NXPH1: variants seen among roughly 807,000 people sequenced by gnomAD.
The protein encoded by NXPH1 is neurexophilin-1.
In NXPH1, 5 loss-of-function variants were observed where a neutral mutation model predicts 23.7. The ratio of observed to expected loss-of-function variants is 0.21; its 90% CI spans 0.11 to 0.44. The LOEUF is 0.44. Ranked by LOEUF, NXPH1 falls within the 20% of genes least tolerant of loss-of-function variation. The pLI, the probability that NXPH1 is intolerant of heterozygous loss-of-function variation, is 0.99. For synonymous variants in NXPH1, 144 were observed against 122.2 expected (o/e 1.18, Z -1.18); for missense variants, 324 against 321.6 (o/e 1.01, Z -0.06).
chr7:8,489,852 G>A (rs1817219979), intron 2 of NXPH1, among the ~76,000 whole-genome samples: 1 of 152,086 alleles, frequency 6.6e-6, no homozygotes, highest in Non-Finnish European at 1.5e-5. Context: ...TGTATCAGGA[G>A]AATTTCTCTG....
intron 2 of NXPH1, among the ~76,000 whole-genome samples, chr7:8,638,369 C>T (rs974238170): frequency 6.6e-6 from 1 of 152,178 alleles, no homozygotes; most frequent in African/African-American, 2.4e-5. Flanking sequence ...CCAACAACCA[C>T]TGGGGAGAAT....
At chr7:8,467,997 C>G (rs905951295) in intron 2 of NXPH1, among the ~76,000 whole-genome samples, 13 of 152,122 alleles carry the variant, frequency 8.5e-5, no homozygotes, top group African/African-American at 3.1e-4. Flanking sequence ...GTTTATTGAG[C>G]ATTTAGTTGT....
rs1281405575 is a variant in NXPH1, at chr7:8,730,683, G to A, written c.55-20325G>A. Among the ~76,000 whole-genome samples the A allele has an allele frequency of 3.3e-5, 5 of 152,218 alleles. No homozygotes were observed. In the South Asian group the frequency reaches 8.3e-4, roughly 25 times the overall value. On this transcript the variant is annotated intron_variant, in intron 2 of 2. Transcript: ENST00000405863. ...GAATATTGGCCCCCACTCTCTTCTG[G>A]CTTGCGGAGTTTCTGCCGAGAGATC...
intron 2 of NXPH1, among the ~76,000 whole-genome samples, chr7:8,489,226 T>TCAGTGTTCTATA (rs1817209082): frequency 6.6e-6 from 1 of 152,082 alleles, no homozygotes; most frequent in African/African-American, 2.4e-5. Flanking sequence ...TCTTCCTTCT[T>TCAGTGTTCTATA]CAGTGTTCTA....
intron 2 of NXPH1, among the ~76,000 whole-genome samples, chr7:8,450,283 G>A (rs1193373355): frequency 6.6e-6 from 1 of 152,080 alleles, no homozygotes; most frequent in East Asian, 1.9e-4. Flanking sequence ...GTCCTGCCAT[G>A]CTGACAGCTT....
chr7:8,675,274 T>C (rs1820934111), intron 2 of NXPH1, among the ~76,000 whole-genome samples: 1 of 151,942 alleles, frequency 6.6e-6, no homozygotes, highest in South Asian at 2.1e-4. Context: ...CATAAATTTC[T>C]GTAATGTAAC....
chr7:8,541,737 A>C (rs1189809900), intron 2 of NXPH1, among the ~76,000 whole-genome samples: 1 of 151,660 alleles, frequency 6.6e-6, no homozygotes, highest in Non-Finnish European at 1.5e-5. Flanking sequence ...GAAGGGGGAA[A>C]ATGGAAGTAT....
intron 2 of NXPH1, among the ~76,000 whole-genome samples, chr7:8,722,145 G>C (rs980210900): frequency 6.8e-6 from 1 of 146,954 alleles, no homozygotes; most frequent in Admixed American, 6.8e-5. Flanking sequence ...TGAAGTATGC[G>C]AAAAAAAAAG....
At chr7:8,459,136 G>C (rs1182313779) in intron 2 of NXPH1, among the ~76,000 whole-genome samples, 1 of 150,434 alleles carries the variant, frequency 6.6e-6, no homozygotes, top group Non-Finnish European at 1.5e-5. Context: ...TGAACATCTT[G>C]GGTTGTCTCT....
chr7:8,523,982 T>A (rs1352358743), intron 2 of NXPH1, among the ~76,000 whole-genome samples: 1 of 152,066 alleles, frequency 6.6e-6, no homozygotes. Flanking sequence ...CGGTGGCTCA[T>A]GCCTGTAATC....
At chr7:8,685,946 A>G (rs995278153) in intron 2 of NXPH1, among the ~76,000 whole-genome samples, 7 of 152,162 alleles carry the variant, frequency 4.6e-5, no homozygotes, top group Admixed American at 6.6e-5. Context: ...CACCAAGGAT[A>G]AATGCTTGAG....
At chr7:8,488,882 T>C (rs1817204568) in intron 2 of NXPH1, among the ~76,000 whole-genome samples, 1 of 152,162 alleles carries the variant, frequency 6.6e-6, no homozygotes, top group Admixed American at 6.6e-5. Context: ...GTTAAGATGA[T>C]GGGTTTTGTA....
chr7:8,706,697 G>T (rs1358713423), intron 2 of NXPH1, among the ~76,000 whole-genome samples: 2 of 152,120 alleles, frequency 1.3e-5, no homozygotes, highest in Non-Finnish European at 2.9e-5. Context: ...CTATTCCTGG[G>T]CTCAACAACA....
chr7:8,486,077 T>C (rs1419723463), intron 2 of NXPH1, among the ~76,000 whole-genome samples: 1 of 152,182 alleles, frequency 6.6e-6, no homozygotes, highest in Non-Finnish European at 1.5e-5. Context: ...AGGTACCCCA[T>C]AAATGCCATT....
chr7:8,436,963 A>G (rs1338130238), intron 2 of NXPH1, among the ~76,000 whole-genome samples: 1 of 152,232 alleles, frequency 6.6e-6, no homozygotes, highest in African/African-American at 2.4e-5. Context: ...TATGTGAGTG[A>G]CACGTATATA....
At chr7:8,671,248 C>G (rs1160515052) in intron 2 of NXPH1, among the ~76,000 whole-genome samples, 1 of 152,140 alleles carries the variant, frequency 6.6e-6, no homozygotes, top group African/African-American at 2.4e-5. Flanking sequence ...CAGGAAAATA[C>G]TATCATGTTA....
intron 2 of NXPH1, among the ~76,000 whole-genome samples, chr7:8,744,404 TTTTG>T (rs935627574): frequency 1.2e-4 from 18 of 152,176 alleles, no homozygotes; most frequent in Middle Eastern, 3.2e-3. Context: ...TGCTTTGGTT[TTTTG>T]TTTGTTTGTT....
At chr7:8,603,944 A>T (rs1237495136) in intron 2 of NXPH1, among the ~76,000 whole-genome samples, 1 of 152,166 alleles carries the variant, frequency 6.6e-6, no homozygotes, top group Non-Finnish European at 1.5e-5. Context: ...CAAGACTATT[A>T]TTGAAATCTA....
At chr7:8,735,840 A>G (rs1360407053) in intron 2 of NXPH1, among the ~76,000 whole-genome samples, 2 of 152,018 alleles carry the variant, frequency 1.3e-5, no homozygotes, top group African/African-American at 4.8e-5. Flanking sequence ...TCAGGGATTC[A>G]ATTTCTTCTT....
Sources: allele counts gnomAD v4.1 joint callset (sites outside exome capture counted in the v4.1 genomes callset), GRCh38; gene constraint gnomAD v4.1.1; transcripts MANE v1.5; gene names NCBI Gene and HGNC (gene_info 2026-07-23, HGNC 2026-07-21).